The following SEMA3A variants were observed in gnomAD, a reference collection of about 807,000 sequenced individuals.
The protein encoded by SEMA3A is semaphorin 3A.
In SEMA3A, 29 loss-of-function variants were observed where a neutral mutation model predicts 97.9. The ratio of observed to expected loss-of-function variants is 0.30; its 90% CI spans 0.22 to 0.40. The LOEUF is 0.40. Ranked by LOEUF, SEMA3A falls within the 10% of genes least tolerant of loss-of-function variation. The pLI is 1.00. For synonymous variants in SEMA3A, 321 were observed against 323.7 expected, an observed-to-expected ratio of 0.99 and a Z score of 0.09; for missense variants, 763 against 951.3, an observed-to-expected ratio of 0.80 and a Z score of 2.60.
At chr7:83,973,667 G>T (rs1304672049) in intron 15 of SEMA3A, among the ~76,000 whole-genome samples, 2 of 152,112 alleles carry the variant, frequency 1.3e-5, no homozygotes, top group African/African-American at 4.8e-5. Context: ...ATTTTGGAAT[G>T]ATTCTGATGC....
chr7:84,330,080 C>G (rs1801876858), intron 2 of SEMA3A, among the ~76,000 whole-genome samples: 1 of 151,980 alleles, frequency 6.6e-6, no homozygotes, highest in South Asian at 2.1e-4. Flanking sequence ...CACAGAATCT[C>G]ATAACCAATA....
chr7:84,387,335 A>C (rs144733095), intron 1 of SEMA3A, among the ~76,000 whole-genome samples: 78 of 152,296 alleles, frequency 5.1e-4, no homozygotes, highest in African/African-American at 1.7e-3. Context: ...GAAAACTTCA[A>C]ATTTAATTGG....
At chr7:84,440,949 G>A (rs1380922604) in intron 1 of SEMA3A, among the ~76,000 whole-genome samples, 3 of 151,918 alleles carry the variant, frequency 2.0e-5, no homozygotes, top group Admixed American at 6.6e-5. Context: ...ACCTGAGGTC[G>A]GGAGTTCGAG....
chr7:84,347,826 G>T (rs1802338946), intron 2 of SEMA3A, among the ~76,000 whole-genome samples: 1 of 152,084 alleles, frequency 6.6e-6, no homozygotes, highest in African/African-American at 2.4e-5. Context: ...CAGATGAGTG[G>T]CGAGCAGTAG....
chr7:84,444,317 C>A (rs77871432), intron 1 of SEMA3A, among the ~76,000 whole-genome samples: 199 of 152,140 alleles, frequency 1.3e-3, no homozygotes, highest in African/African-American at 4.5e-3. Flanking sequence ...CTTGTCTCTG[C>A]AGTTTATCTA....
intron 1 of SEMA3A, among the ~76,000 whole-genome samples, chr7:84,157,789 C>G (rs1156757364): frequency 6.6e-6 from 1 of 152,264 alleles, no homozygotes; most frequent in South Asian, 2.1e-4. Context: ...TCTCCTTGGA[C>G]TCATGCAACA....
intron 2 of SEMA3A, among the ~76,000 whole-genome samples, chr7:84,310,022 T>C (rs551785292): frequency 1.3e-5 from 2 of 152,280 alleles, no homozygotes; most frequent in African/African-American, 4.8e-5. Context: ...GAAAAGTGCA[T>C]TGATCAAATC....
chr7:84,185,386 CTGGGTG>C (rs72229484), intron 1 of SEMA3A, among the ~76,000 whole-genome samples: 9,535 of 151,676 alleles, frequency 0.063, 344 homozygotes, highest in African/African-American at 0.092. Context: ...TAATAAGGGG[CTGGGTG>C]TGGGTGTGGT....
At chr7:84,005,149 T>C (rs1408220422) in intron 11 of SEMA3A, among the ~76,000 whole-genome samples, 190 bp downstream of exon 11, 7 of 152,186 alleles carry the variant, frequency 4.6e-5, no homozygotes, top group Admixed American at 1.3e-4. Flanking sequence ...CTGTTTATCT[T>C]ATAGGTAAGG....
At chr7:84,203,053 G>T (rs1798393821) in intron 3 of SEMA3A, among the ~76,000 whole-genome samples, 1 of 152,102 alleles carries the variant, frequency 6.6e-6, no homozygotes, top group African/African-American at 2.4e-5. Flanking sequence ...GATTACTCAT[G>T]ATTAAGGGCT....
At chr7:84,326,182 T>C (rs1328178416) in intron 2 of SEMA3A, among the ~76,000 whole-genome samples, 1 of 152,172 alleles carries the variant, frequency 6.6e-6, no homozygotes, top group Admixed American at 6.6e-5. Context: ...GAGCTGCCTG[T>C]GCAAGCATGG....
chr7:84,393,540 A>T (rs1005515915), intron 1 of SEMA3A, among the ~76,000 whole-genome samples: 1 of 152,172 alleles, frequency 6.6e-6, no homozygotes, highest in Admixed American at 6.6e-5. Context: ...AAATGAACCC[A>T]TGCATCTATG....
chr7:84,335,295 C>T (rs1802009113), intron 2 of SEMA3A, among the ~76,000 whole-genome samples: 1 of 152,050 alleles, frequency 6.6e-6, no homozygotes, highest in African/African-American at 2.4e-5. Flanking sequence ...TAACAAAAAA[C>T]ATGAGTTTTA....
rs1794357020 is a variant in SEMA3A, at chr7:84,086,486, A to ATTTACATATAATATATTATTATATTATG, written c.453+23983_453+23984insCATAATATAATAATATATTATATGTAAA. On this transcript the variant is annotated intron_variant, in intron 4 of 16. Coordinates refer to ENST00000265362, the MANE Select transcript of SEMA3A (RefSeq NM_006080.3). ...TATATAATATGTATTATTATATTATATTTACATATAATATATTATTATATT... is the reference window on the plus strand; with the variant it reads ...TATATAATATGTATTATTATATTATATTTACATATAATATATTATTATATTATGTTTACATATAATATATTATTATATT... Among the ~76,000 whole-genome samples the ATTTACATATAATATATTATTATATTATG allele has an allele frequency of 3.4e-5, 2 of 58,332 alleles. 1 individual carries two copies. Among genetic ancestry groups the ATTTACATATAATATATTATTATATTATG allele is most frequent in the East Asian group, 1.4e-3 (2 of 1,480 alleles). The allele number at this position is 58,332 out of a possible 152,430, so 38.3% of individuals were successfully genotyped here. A position where few individuals can be genotyped will look rare whatever the true frequency, so the allele number is the denominator to read the frequency against.
intron 1 of SEMA3A, among the ~76,000 whole-genome samples, chr7:84,421,392 G>T (rs1804588101): frequency 6.6e-6 from 1 of 151,998 alleles, no homozygotes; most frequent in African/African-American, 2.4e-5. Flanking sequence ...TCAAGTTTAA[G>T]CAAAGGGACA....
intron 1 of SEMA3A, among the ~76,000 whole-genome samples, chr7:84,457,323 GT>G (rs1805710475): frequency 6.6e-6 from 1 of 151,768 alleles, no homozygotes; most frequent in Non-Finnish European, 1.5e-5. Context: ...TGCAGCTCCT[GT>G]GCTCTCTCAT....
At chr7:84,132,477 C>G (rs1182729670) in intron 2 of SEMA3A, among the ~76,000 whole-genome samples, 2 of 151,696 alleles carry the variant, frequency 1.3e-5, no homozygotes, top group Non-Finnish European at 2.9e-5. Context: ...AGAATATATA[C>G]TCACAGAAAA....
At chr7:84,211,820 C>T (rs1433742172) in intron 3 of SEMA3A, among the ~76,000 whole-genome samples, 1 of 152,118 alleles carries the variant, frequency 6.6e-6, no homozygotes, top group Admixed American at 6.5e-5. Context: ...ATTTAAAGCT[C>T]ACATGCCAGA....
At chr7:84,274,837 G>T (rs1302049565) in intron 3 of SEMA3A, among the ~76,000 whole-genome samples, 1 of 151,804 alleles carries the variant, frequency 6.6e-6, no homozygotes, top group Non-Finnish European at 1.5e-5. Flanking sequence ...GGCAAACCTG[G>T]ACATAAAAGT....
Sources: gnomAD v4.1 joint callset for allele counts (sites outside exome capture counted in the v4.1 genomes callset) on GRCh38, gnomAD v4.1.1 for gene constraint, MANE v1.5 for transcripts, NCBI Gene and HGNC (gene_info 2026-07-23, HGNC 2026-07-21) for gene names.